The following NDE1 variants were observed in gnomAD, a reference collection of about 807,000 sequenced individuals.
The protein encoded by NDE1 is nuclear distribution protein nudE homolog 1.
In NDE1, 28 loss-of-function variants were observed where a neutral mutation model predicts 43.4. The ratio of observed to expected loss-of-function variants is 0.65; its 90% CI spans 0.48 to 0.89. The LOEUF is 0.89. Among genes scored for constraint, NDE1 ranks in the 40% least tolerant of loss-of-function variants. The probability of loss-of-function intolerance (pLI) is 0.00; values close to 1 mark genes in which losing one functional copy is unlikely to be tolerated. For missense variants in NDE1, 441 were observed against 434.1 expected, an observed-to-expected ratio of 1.02 and a Z score of -0.14; for synonymous variants, 184 against 172.0, an observed-to-expected ratio of 1.07 and a Z score of -0.55.
At chr16:15,723,572 AG>A (rs1180765353) in intron 8 of NDE1, among the ~76,000 whole-genome samples, 4 of 152,174 alleles carry the variant, frequency 2.6e-5, no homozygotes, top group South Asian at 2.1e-4. Flanking sequence ...GCTTGAACCC[AG>A]TGGTGGAGGT....
At chr16:15,696,967 T>G in intron 8 of NDE1, 107 bp downstream of exon 8, 1 of 1,548,052 alleles carries the variant, frequency 6.5e-7, no homozygotes, top group Non-Finnish European at 8.7e-7. Flanking sequence ...AATTATAGGA[T>G]TATTTCAGCA....
chr16:15,701,308 T>G (rs1209854825), intron 8 of NDE1: 1 of 151,822 alleles, frequency 6.6e-6, no homozygotes, highest in East Asian at 1.9e-4. Context: ...TTGAGATTCC[T>G]AGAGGTGCGT....
rs775566610 is a variant in NDE1, at chr16:15,677,929, C to T, written c.366C>T (p.Asp122=). 1.2e-5 allele frequency: 20 copies of T among 1,613,918 alleles called. No homozygotes were observed. Among genetic ancestry groups the T allele is most frequent in the Middle Eastern group, 1.6e-4 (1 of 6,078 alleles). Residue 122 remains aspartate, a synonymous_variant, in exon 4 of 9, where the codon GAC becomes GAT. Transcript: ENST00000396354. ...TCAGAGAGCTGGAGCAAGCAAATGACGACCTGGAAAGAGCCAAGCGGTATG... is the reference window on the plus strand; with the variant it reads ...TCAGAGAGCTGGAGCAAGCAAATGATGACCTGGAAAGAGCCAAGCGGTATG... ...KYIRELEQAN[D]DLERAKRATI...
intron 8 of NDE1, among the ~76,000 whole-genome samples, chr16:15,698,463 G>A (rs2039106728): frequency 6.6e-6 from 1 of 152,120 alleles, no homozygotes; most frequent in African/African-American, 2.4e-5. Context: ...ATCTCTCTGG[G>A]CCCCAAGCCG....
upstream of NDE1, chr16:15,650,098 C>G (rs937738703): frequency 6.5e-6 from 1 of 152,672 alleles, no homozygotes; most frequent in Non-Finnish European, 1.5e-5. Context: ...CCGCGCCCGG[C>G]CTGGGAAAAA....
intron 3 of NDE1, among the ~76,000 whole-genome samples, chr16:15,670,433 A>AAGTG (rs2037531201): frequency 6.6e-6 from 1 of 152,082 alleles, no homozygotes; most frequent in Admixed American, 6.6e-5. Flanking sequence ...CGAGGTGGGC[A>AAGTG]GATCACCTGA....
In NDE1 at chr16:15,704,023, C is replaced by T. The variant is rs146413415; in HGVS notation, c.947+7163C>T. 218 of 1,614,044 alleles carry T rather than the reference C, an allele frequency of 1.4e-4. No individual in the cohort carries two copies. The highest frequency in any genetic ancestry group is 1.7e-4 in the Non-Finnish European group (206 of 1,180,006). On this transcript the variant is annotated intron_variant, in intron 8 of 8. Transcript: ENST00000396354. Reference sequence around the variant, plus strand: ...CTGGCCTTGGTTCCATTGAAGTCTGCGTCTCGAGTGTCCGTTTCCTCCTCA... The same window carrying T: ...CTGGCCTTGGTTCCATTGAAGTCTGTGTCTCGAGTGTCCGTTTCCTCCTCA...
intron 3 of NDE1, among the ~76,000 whole-genome samples, chr16:15,671,188 AT>A (rs962558119): frequency 2.0e-5 from 3 of 152,024 alleles, no homozygotes; most frequent in African/African-American, 7.2e-5. Context: ...ATCCATCAAA[AT>A]TTGTAAAGCT....
At chr16:15,719,907 G>C (rs908367750) in intron 8 of NDE1, among the ~76,000 whole-genome samples, 4 of 152,154 alleles carry the variant, frequency 2.6e-5, no homozygotes, top group Non-Finnish European at 5.9e-5. Context: ...GGGCTCCACA[G>C]ACCTGCCTGA....
chr16:15,718,660 C>G (rs2040301189), intron 8 of NDE1: 1 of 622,688 alleles, frequency 1.6e-6, no homozygotes. Context: ...GGATGGGGAC[C>G]AGCACACTCC....
upstream of NDE1, among the ~76,000 whole-genome samples, chr16:15,646,188 C>T (rs761888575): frequency 3.3e-5 from 5 of 152,266 alleles, no homozygotes; most frequent in Middle Eastern, 3.4e-3. Context: ...ATTTAGGCAA[C>T]ACCAGTACCT....
intron 1 of NDE1, among the ~76,000 whole-genome samples, chr16:15,654,946 C>T (rs1282619134): frequency 1.3e-5 from 2 of 151,792 alleles, no homozygotes; most frequent in Non-Finnish European, 2.9e-5. Context: ...AATAAGAGAA[C>T]CCTTGCAAGT....
rs1165775497 is a variant in NDE1 at position 15,658,403 on chromosome 16, G to A, written c.-43-6333G>A. ...AGGCTCACCCTATCATTGGCTCTGC[G>A]TGAATTAGGCCCACCTCTGTCACTG... On this transcript the variant is annotated intron_variant, in intron 1 of 8. Coordinates refer to ENST00000396354, the MANE Select transcript of NDE1 (RefSeq NM_017668.3). 2.0e-5 allele frequency among the ~76,000 whole-genome samples: 3 copies of A among 152,184 alleles called. No individual in the cohort carries two copies. In the South Asian group the frequency reaches 6.2e-4, roughly 31 times the overall value.
At chr16:15,719,389 C>A (rs543559509) in intron 8 of NDE1, 1 of 1,517,682 alleles carries the variant, frequency 6.6e-7, no homozygotes, top group Non-Finnish European at 9.0e-7. Context: ...ACTCAGCCAC[C>A]CTTGAAAGTA....
rs2038600371 is a variant in NDE1 at position 15,689,161 on chromosome 16, G to T, written c.523+1650G>T. 3.3e-5 allele frequency among the ~76,000 whole-genome samples: 5 copies of T among 152,152 alleles called. No homozygotes were observed. The South Asian group carries it at 1.0e-3, about 31-fold the overall frequency. ...AGATGTATTTTGTGAAATGTTAATG[G>T]TTAAAATGAACAGTAGATAGAAATG... On this transcript the variant is annotated intron_variant, in intron 5 of 8. Coordinates refer to ENST00000396354, the MANE Select transcript of NDE1 (RefSeq NM_017668.3).
intron 1 of NDE1, among the ~76,000 whole-genome samples, chr16:15,658,002 G>A (rs774702043): frequency 1.3e-5 from 2 of 152,174 alleles, no homozygotes; most frequent in Non-Finnish European, 2.9e-5. Flanking sequence ...GTATAACCAA[G>A]ACAAGGAATT....
rs1225099089 is a variant in NDE1, at chr16:15,715,214, A to T, written c.948-8977A>T. On this transcript the variant is annotated intron_variant, in intron 8 of 8. Coordinates refer to ENST00000396354, the MANE Select transcript of NDE1 (RefSeq NM_017668.3). ...TTGCGCTCGTCCTCCACCTGCAGCAAGATTTCCTTCAGCTTCTTGTCTTTC... is the reference window on the plus strand; with the variant it reads ...TTGCGCTCGTCCTCCACCTGCAGCATGATTTCCTTCAGCTTCTTGTCTTTC... 1.2e-6 allele frequency: 2 copies of T among 1,613,988 alleles called. No homozygotes were observed. Among genetic ancestry groups the T allele is most frequent in the African/African-American group, 2.7e-5 (2 of 74,920 alleles).
At chr16:15,710,032 G>A (rs1334835969) in intron 8 of NDE1, among the ~76,000 whole-genome samples, 1 of 152,210 alleles carries the variant, frequency 6.6e-6, no homozygotes, top group Non-Finnish European at 1.5e-5. Context: ...ACCTCCCTCA[G>A]GGCTCTAGTG....
intron 3 of NDE1, among the ~76,000 whole-genome samples, chr16:15,674,760 G>A (rs2037780564): frequency 6.6e-6 from 1 of 151,994 alleles, no homozygotes; most frequent in Admixed American, 6.6e-5. Context: ...TGCCCAGGTT[G>A]GAGTGCAGTG....
Sources: gnomAD v4.1 joint callset for allele counts (sites outside exome capture counted in the v4.1 genomes callset) on GRCh38, gnomAD v4.1.1 for gene constraint, MANE v1.5 for transcripts, NCBI Gene and HGNC (gene_info 2026-07-23, HGNC 2026-07-21) for gene names.